MDGA2: variants seen among roughly 807,000 people sequenced by gnomAD.
MDGA2 encodes the protein MAM domain containing glycosylphosphatidylinositol anchor 2, also known as MAM domain-containing glycosylphosphatidylinositol anchor protein 2.
In MDGA2, 40 loss-of-function variants were observed where a neutral mutation model predicts 117.8. That is an observed-to-expected ratio of 0.34 (90% CI 0.26 to 0.44). The LOEUF (loss-of-function observed/expected upper bound fraction) is 0.44, where lower values mean the gene tolerates loss of function less well. MDGA2 is among the 20% of genes least tolerant of loss of function. The pLI is 1.00. For missense variants in MDGA2, 1,123 were observed against 1,250.6 expected, an observed-to-expected ratio of 0.90 and a Z score of 1.54; for synonymous variants, 452 against 439.0, an observed-to-expected ratio of 1.03 and a Z score of -0.37.
chr14:47,225,594 T>C (rs1415720032), intron 2 of MDGA2, among the ~76,000 whole-genome samples: 1 of 148,806 alleles, frequency 6.7e-6, no homozygotes, highest in African/African-American at 2.5e-5. Context: ...TTCTCACTCA[T>C]AGGTGGGAAT....
At chr14:47,639,543 C>T (rs960421746) in intron 1 of MDGA2, among the ~76,000 whole-genome samples, 4 of 152,150 alleles carry the variant, frequency 2.6e-5, no homozygotes, top group Non-Finnish European at 4.4e-5. Context: ...AAGCACTACA[C>T]GTTGAATCCT....
At chr14:47,314,667 T>C (rs1007711560) in intron 1 of MDGA2, among the ~76,000 whole-genome samples, 3 of 151,944 alleles carry the variant, frequency 2.0e-5, no homozygotes, top group Admixed American at 2.0e-4. Flanking sequence ...GACAGCAAGA[T>C]TCTGTCTCAA....
chr14:47,585,425 C>T (rs971928068), intron 1 of MDGA2, among the ~76,000 whole-genome samples: 6 of 151,786 alleles, frequency 4.0e-5, no homozygotes, highest in Non-Finnish European at 8.8e-5. Context: ...GATCTCTAAC[C>T]CCAGTTTTCT....
intron 1 of MDGA2, among the ~76,000 whole-genome samples, chr14:47,558,188 C>T (rs2138791922): frequency 6.6e-6 from 1 of 152,214 alleles, no homozygotes; most frequent in Non-Finnish European, 1.5e-5. Flanking sequence ...CCATCTATGC[C>T]TATGGATACA....
At chr14:47,050,654 T>A (rs542693865) in intron 7 of MDGA2, among the ~76,000 whole-genome samples, 1 of 152,118 alleles carries the variant, frequency 6.6e-6, no homozygotes, top group East Asian at 1.9e-4. Context: ...CAGTTGCAGT[T>A]AGATAGCAAT....
chr14:47,574,300 T>G (rs996348975), intron 1 of MDGA2, among the ~76,000 whole-genome samples: 2 of 152,144 alleles, frequency 1.3e-5, no homozygotes, highest in Non-Finnish European at 2.9e-5. Flanking sequence ...CTGGGCTGCT[T>G]GCCAAGGTCC....
intron 1 of MDGA2, among the ~76,000 whole-genome samples, chr14:47,483,284 T>C (rs192689773): frequency 5.3e-5 from 8 of 152,248 alleles, no homozygotes; most frequent in Admixed American, 3.9e-4. Flanking sequence ...AGATATTCCA[T>C]ATTGTTCTTC....
At chr14:47,365,362 T>C (rs1891210076) in intron 1 of MDGA2, among the ~76,000 whole-genome samples, 1 of 152,224 alleles carries the variant, frequency 6.6e-6, no homozygotes, top group African/African-American at 2.4e-5. Context: ...AAGGCGGAGA[T>C]AACTCTTCCC....
At chr14:46,918,380 G>A (rs1023809729) in intron 10 of MDGA2, among the ~76,000 whole-genome samples, 1 of 152,134 alleles carries the variant, frequency 6.6e-6, no homozygotes, top group African/African-American at 2.4e-5. Flanking sequence ...CTCCAAATAT[G>A]AAAGGTTATA....
At chr14:47,105,789 C>T (rs1343288464) in intron 5 of MDGA2, among the ~76,000 whole-genome samples, 5 of 151,684 alleles carry the variant, frequency 3.3e-5, no homozygotes, top group African/African-American at 9.7e-5. Flanking sequence ...CCCCAAGCAT[C>T]GCTGAGTCTT....
intron 8 of MDGA2, among the ~76,000 whole-genome samples, chr14:46,977,998 T>C (rs900993040): frequency 6.6e-6 from 1 of 151,986 alleles, no homozygotes; most frequent in East Asian, 1.9e-4. Context: ...TTTTTGCTTA[T>C]GGCTTAACAG....
intron 16 of MDGA2, among the ~76,000 whole-genome samples, chr14:46,842,320 T>C (rs1032647222): frequency 3.3e-5 from 5 of 152,092 alleles, no homozygotes; most frequent in African/African-American, 1.2e-4. Context: ...TTAAGAGTTC[T>C]GCTAGCCACA....
intron 4 of MDGA2, 50 bp from the exon 5 acceptor site, chr14:47,131,896 C>T (rs982566922): frequency 1.8e-5 from 25 of 1,415,954 alleles, no homozygotes; most frequent in Non-Finnish European, 2.3e-5. Flanking sequence ...CCAACACAAC[C>T]AGAATGAATG....
In MDGA2 at chr14:47,141,749, T is replaced by C. The variant is rs561079021; in HGVS notation, c.792+2329A>G. 2.0e-5 allele frequency among the ~76,000 whole-genome samples: 3 copies of C among 152,158 alleles called. No individual in the cohort carries two copies. The East Asian group carries it at 5.8e-4, about 29-fold the overall frequency. On this transcript the variant is annotated intron_variant, in intron 4 of 16. Coordinates refer to ENST00000399232, the MANE Select transcript of MDGA2 (RefSeq NM_001113498.3). Reference sequence around the variant, plus strand: ...AGGTAGAAGGGAGAATAGAGAGAGATTGGTTAATAGGTGCAAAGTTACACT... The same window carrying C: ...AGGTAGAAGGGAGAATAGAGAGAGACTGGTTAATAGGTGCAAAGTTACACT...
intron 2 of MDGA2, 138 bp downstream of exon 2, chr14:47,301,273 A>G: frequency 1.2e-6 from 1 of 832,066 alleles, no homozygotes; most frequent in South Asian, 1.9e-5. Flanking sequence ...CTTGAGTTAC[A>G]CACACACACA....
At chr14:47,628,297 T>C (rs1897188079) in intron 1 of MDGA2, among the ~76,000 whole-genome samples, 1 of 152,212 alleles carries the variant, frequency 6.6e-6, no homozygotes, top group African/African-American at 2.4e-5. Flanking sequence ...ATTATGGGCC[T>C]ATTTGCATGA....
At chr14:46,882,322 C>G (rs1007898219) in intron 10 of MDGA2, 101 bp from the exon 11 acceptor site, 1 of 993,558 alleles carries the variant, frequency 1.0e-6, no homozygotes, top group Non-Finnish European at 1.5e-6. Context: ...TCAAAAAGTA[C>G]GTATATTAAT....
chr14:46,995,854 A>C (rs187378353), intron 8 of MDGA2, among the ~76,000 whole-genome samples: 1 of 152,038 alleles, frequency 6.6e-6, no homozygotes, highest in Non-Finnish European at 1.5e-5. Context: ...AATTAAAGCA[A>C]GTTAAACAAC....
intron 5 of MDGA2, among the ~76,000 whole-genome samples, chr14:47,118,655 T>A (rs766029372): frequency 6.6e-6 from 1 of 152,238 alleles, no homozygotes; most frequent in Non-Finnish European, 1.5e-5. Context: ...TCTTAATGTA[T>A]ATGTGTATTG....
Sources: allele counts gnomAD v4.1 joint callset (sites outside exome capture counted in the v4.1 genomes callset), GRCh38; gene constraint gnomAD v4.1.1; transcripts MANE v1.5; gene names NCBI Gene and HGNC (gene_info 2026-07-23, HGNC 2026-07-21).